Variants in DIP2C observed in about 807,000 individuals in gnomAD.
The protein encoded by DIP2C is disco-interacting protein 2 homolog C.
In DIP2C, 33 loss-of-function variants were observed where a neutral mutation model predicts 192.4. That is an observed-to-expected ratio of 0.17 (90% CI 0.13 to 0.23). The LOEUF is 0.23. Among genes scored for constraint, DIP2C ranks in the 10% least tolerant of loss-of-function variants. The pLI is 1.00. For missense variants in DIP2C, 1,537 were observed against 2,110.1 expected, an observed-to-expected ratio of 0.73 and a Z score of 5.32; for synonymous variants, 979 against 864.1, an observed-to-expected ratio of 1.13 and a Z score of -2.33.
At chr10:459,618 C>T (rs1297818050) in intron 3 of DIP2C, among the ~76,000 whole-genome samples, 1 of 148,236 alleles carries the variant, frequency 6.7e-6, no homozygotes, top group Non-Finnish European at 1.5e-5. Flanking sequence ...ACAGCCACAT[C>T]AGGGAACAGT....
intron 3 of DIP2C, among the ~76,000 whole-genome samples, chr10:448,108 C>T (rs1367836692): frequency 2.3e-5 from 3 of 131,378 alleles, no homozygotes; most frequent in Admixed American, 7.0e-5. Context: ...GGCAGCAGGA[C>T]CCACTCATCC....
chr10:542,600 T>C (rs975950968), intron 1 of DIP2C, among the ~76,000 whole-genome samples: 3 of 152,218 alleles, frequency 2.0e-5, no homozygotes, highest in Non-Finnish European at 2.9e-5. Context: ...AACAATCGGA[T>C]TGGGGAATGG....
At chr10:601,193 A>G (rs1356680866) in intron 1 of DIP2C, among the ~76,000 whole-genome samples, 1 of 152,182 alleles carries the variant, frequency 6.6e-6, no homozygotes, top group African/African-American at 2.4e-5. Flanking sequence ...TAGTACTTTC[A>G]TTGCATCATA....
intron 22 of DIP2C, among the ~76,000 whole-genome samples, chr10:362,127 G>T (rs1269354708): frequency 1.3e-5 from 2 of 152,050 alleles, no homozygotes; most frequent in African/African-American, 2.4e-5. Flanking sequence ...AAAAAAATTA[G>T]AAGTAGGTCA....
intron 2 of DIP2C, among the ~76,000 whole-genome samples, chr10:481,761 G>A (rs1843629106): frequency 6.6e-6 from 1 of 152,198 alleles, no homozygotes; most frequent in Non-Finnish European, 1.5e-5. Context: ...TGCCCTCAGG[G>A]ACACTGCACA....
intron 1 of DIP2C, among the ~76,000 whole-genome samples, chr10:520,718 A>C (rs1038559372): frequency 6.6e-6 from 1 of 152,218 alleles, no homozygotes; most frequent in Non-Finnish European, 1.5e-5. Context: ...ATCTGCTGCC[A>C]AAGTTTCACT....
At chr10:431,572 C>A (rs887455105) in intron 4 of DIP2C, among the ~76,000 whole-genome samples, 10 of 152,188 alleles carry the variant, frequency 6.6e-5, no homozygotes, top group Non-Finnish European at 1.2e-4. Flanking sequence ...TGGACATGAG[C>A]CACTTTTTTA....
intron 1 of DIP2C, among the ~76,000 whole-genome samples, chr10:542,680 G>C (rs985883905): frequency 6.6e-6 from 1 of 152,166 alleles, no homozygotes; most frequent in Non-Finnish European, 1.5e-5. Context: ...TTGGGAAGTG[G>C]GGGGTTCTGA....
intron 1 of DIP2C, among the ~76,000 whole-genome samples, chr10:633,888 A>G (rs816569): frequency 0.98 from 149,616 of 152,326 alleles, 73,531 homozygotes; most frequent in Middle Eastern, 1. Flanking sequence ...GAATAAATGC[A>G]GGAAAATGCA....
intron 1 of DIP2C, among the ~76,000 whole-genome samples, chr10:499,120 T>C (rs562268626): frequency 2.0e-5 from 3 of 152,314 alleles, no homozygotes; most frequent in South Asian, 4.1e-4. Context: ...ATGAGAACAG[T>C]ATGGCTGAAC....
At chr10:575,756 C>T (rs562610529) in intron 1 of DIP2C, among the ~76,000 whole-genome samples, 7 of 152,306 alleles carry the variant, frequency 4.6e-5, no homozygotes, top group East Asian at 1.9e-4. Context: ...GCCTCCATCT[C>T]GCCGCAAGCA....
intron 1 of DIP2C, among the ~76,000 whole-genome samples, chr10:601,373 A>G (rs890148070): frequency 9.5e-4 from 144 of 152,124 alleles, no homozygotes; most frequent in African/African-American, 3.2e-3. Flanking sequence ...CCAAATGCAT[A>G]TGTCAAAGTA....
chr10:422,389 C>T (rs1966252344), intron 5 of DIP2C, among the ~76,000 whole-genome samples: 1 of 152,162 alleles, frequency 6.6e-6, no homozygotes, highest in Admixed American at 6.5e-5. Flanking sequence ...GTCATAGAAC[C>T]TACACAAAGC....
At chr10:336,999 A>G (rs1589521654) in intron 29 of DIP2C, among the ~76,000 whole-genome samples, 2 of 61,120 alleles carry the variant, frequency 3.3e-5, no homozygotes, top group Non-Finnish European at 6.6e-5. Flanking sequence ...TGTGTTGTGG[A>G]GGCCTAGGCA....
Position 565,354 on chromosome 10 carries a change from T to TAAAAAAAAA in DIP2C, c.86-78833_86-78825dup, listed in dbSNP as rs59721670. 7.6e-4 allele frequency among the ~76,000 whole-genome samples: 87 copies of TAAAAAAAAA among 114,106 alleles called. 1 individual carries two copies. The highest frequency in any genetic ancestry group is 2.3e-3 in the African/African-American group (62 of 26,680). The allele number at this position is 114,106 out of a possible 152,430, so 74.9% of individuals were successfully genotyped here. ...AAAATATGAAACAGTACCTGCATTC[T>TAAAAAAAAA]AAAAAAAAAAAAAAAAAGACCTAGA... On this transcript the variant is annotated intron_variant, in intron 1 of 36. Transcript: ENST00000280886.
intron 1 of DIP2C, among the ~76,000 whole-genome samples, chr10:519,410 A>G (rs1272665811): frequency 6.6e-6 from 1 of 152,188 alleles, no homozygotes. Context: ...AACTCATTCA[A>G]TCGCTGACCC....
chr10:361,933 G>A (rs900537830), intron 22 of DIP2C, among the ~76,000 whole-genome samples: 3 of 151,680 alleles, frequency 2.0e-5, no homozygotes, highest in Non-Finnish European at 2.9e-5. Context: ...ACCAGGGACC[G>A]CGAGAACAAC....
intron 3 of DIP2C, chr10:441,235 G>A (rs1301943150): frequency 5.3e-5 from 25 of 468,782 alleles, no homozygotes; most frequent in East Asian, 2.3e-4. Flanking sequence ...AACACTGGCT[G>A]TAAACTGCAC....
intron 7 of DIP2C, among the ~76,000 whole-genome samples, chr10:414,637 A>G (rs1330100551): frequency 2.0e-5 from 3 of 150,836 alleles, no homozygotes; most frequent in East Asian, 1.9e-4. Flanking sequence ...AGCCTCTGCT[A>G]CAGTCCTAGC....
Sources: gnomAD v4.1 joint callset for allele counts (sites outside exome capture counted in the v4.1 genomes callset) on GRCh38, gnomAD v4.1.1 for gene constraint, MANE v1.5 for transcripts, NCBI Gene and HGNC (gene_info 2026-07-23, HGNC 2026-07-21) for gene names.